PCNX1: variants seen among roughly 807,000 people sequenced by gnomAD.
PCNX1 encodes the protein pecanex-like protein 1.
Under a neutral mutation model 242.2 loss-of-function variants are expected in PCNX1, and 78 were observed. The ratio of observed to expected loss-of-function variants is 0.32; its 90% CI spans 0.27 to 0.39. The LOEUF (loss-of-function observed/expected upper bound fraction) is 0.39. PCNX1 is among the 10% of genes least tolerant of loss of function. PCNX1 has a pLI of 1.00. For synonymous variants in PCNX1, 1,024 were observed against 1,032.9 expected (o/e 0.99, Z 0.17); for missense variants, 2,581 against 2,856.5 (o/e 0.90, Z 2.20).
At chr14:70,919,709 T>TTCCCC (rs2056296253) in intron 1 of PCNX1, among the ~76,000 whole-genome samples, 3 of 8,088 alleles carry the variant, frequency 3.7e-4, no homozygotes, top group African/African-American at 1.4e-3. Context: ...GTTTCTCTGC[T>TTCCCC]CCCCCCCCCC....
chr14:70,914,395 A>G (rs1299895748), intron 1 of PCNX1, among the ~76,000 whole-genome samples: 1 of 152,144 alleles, frequency 6.6e-6, no homozygotes, highest in African/African-American at 2.4e-5. Flanking sequence ...AAGTGTATTA[A>G]TTTACAAAAA....
Position 71,036,160 on chromosome 14 carries a change from A to G in PCNX1, c.3867+3A>G. On this transcript the variant is annotated splice_donor_region_variant and intron_variant, in intron 19 of 35. Coordinates refer to ENST00000304743, the MANE Select transcript of PCNX1 (RefSeq NM_014982.3). The stretch of plus-strand genomic sequence containing the variant: ...GCACAGTCTTCACAGTATTGCAGGT[A>G]AGGAATCATTTTCTCCTTTTATTTG... 6.4e-7 allele frequency: 1 copy of G among 1,556,878 alleles called. No individual in the cohort carries two copies. Among genetic ancestry groups the G allele is most frequent in the Non-Finnish European group, 8.9e-7 (1 of 1,128,180 alleles).
intron 27 of PCNX1, among the ~76,000 whole-genome samples, chr14:71,074,309 T>C (rs2240533): frequency 0.34 from 51,867 of 151,994 alleles, 8,865 homozygotes; most frequent in Middle Eastern, 0.44. Flanking sequence ...AAGAGGTCCC[T>C]AAGACCACCC....
chr14:71,046,691 A>G (rs1202829413), intron 20 of PCNX1, among the ~76,000 whole-genome samples: 2 of 152,076 alleles, frequency 1.3e-5, no homozygotes, highest in East Asian at 3.8e-4. Context: ...TTTTTTCAAT[A>G]AGTTATAAGC....
intron 2 of PCNX1, among the ~76,000 whole-genome samples, chr14:70,948,693 G>A (rs567554211): frequency 7.0e-6 from 1 of 143,804 alleles, no homozygotes; most frequent in East Asian, 2.0e-4. Context: ...ATATATACAC[G>A]TGTATATATA....
At chr14:70,908,043 G>T (rs755414003) in intron 1 of PCNX1, 40 bp downstream of exon 1, 1 of 1,520,884 alleles carries the variant, frequency 6.6e-7, no homozygotes, top group Non-Finnish European at 8.8e-7. Flanking sequence ...CCTTCCCCGC[G>T]AGCCGGTGGG....
Position 71,047,033 on chromosome 14 carries a change from A to G in PCNX1, c.4088A>G (p.Tyr1363Cys), listed in dbSNP as rs768807189. 3.1e-6 allele frequency: 5 copies of G among 1,609,928 alleles called. No individual in the cohort carries two copies. Among genetic ancestry groups the G allele is most frequent in the Non-Finnish European group, 3.4e-6 (4 of 1,176,776 alleles). The change falls in exon 21 of 36, where the codon TAT becomes TGT. Residue 1363 changes from tyrosine (Y) to cysteine (C), a missense_variant. Around this residue, in one of 9 missense-constraint regions of PCNX1, gnomAD observed 432 missense variants for 443.1 expected, o/e 0.97. Transcript: ENST00000304743. ...WLLFVEKNII[Y>C]PLIVLNELSS... Reference sequence around the variant, plus strand: ...CTTTTTGTGGAGAAGAATATAATCTATCCATTGATTGTTCTCAATGAACTG... The same window carrying G: ...CTTTTTGTGGAGAAGAATATAATCTGTCCATTGATTGTTCTCAATGAACTG...
rs755234237 is a variant in PCNX1, at chr14:71,036,293, G to A, written c.3867+136G>A. ...CCCTGGGCTCAAGTGATCCTCCCAC[G>A]TAGCTAGGACTACAGTTGTGCACCA... On this transcript the variant is annotated intron_variant, in intron 19 of 35. Coordinates refer to ENST00000304743, the MANE Select transcript of PCNX1 (RefSeq NM_014982.3). The A allele has an allele frequency of 1.0e-4, 63 of 619,476 alleles. 1 individual carries two copies. The Middle Eastern group carries it at 9.3e-3, about 92-fold the overall frequency. The allele number at this position is 619,476 out of a possible 1,614,324, so 38.4% of individuals were successfully genotyped here.
rs1366566450 is a variant in PCNX1 at position 70,971,419 on chromosome 14, C to T, written c.604+2309C>T. On this transcript the variant is annotated intron_variant, in intron 5 of 35. Coordinates refer to ENST00000304743, the MANE Select transcript of PCNX1 (RefSeq NM_014982.3). ...TCGGCCTCCCAAAGTGCTGGGATTACAGGCGTGAGCCACCGCGCCCGGCCT... is the reference window on the plus strand; with the variant it reads ...TCGGCCTCCCAAAGTGCTGGGATTATAGGCGTGAGCCACCGCGCCCGGCCT... 1.5e-4 allele frequency among the ~76,000 whole-genome samples: 2 copies of T among 13,400 alleles called. 1 individual carries two copies. The highest frequency in any genetic ancestry group is 1.0e-3 in the Admixed American group (2 of 2,008). 8.8% of individuals were successfully genotyped at this position (13,400 alleles called of 152,430 possible).
chr14:70,932,401 T>G (rs1289315144), intron 1 of PCNX1, among the ~76,000 whole-genome samples: 1 of 152,054 alleles, frequency 6.6e-6, no homozygotes, highest in Non-Finnish European at 1.5e-5. Flanking sequence ...GATTGTTTTA[T>G]TTTTACTTTC....
At chr14:71,023,340 C>G (rs1305309569) in intron 13 of PCNX1, 108 bp downstream of exon 13, 1 of 760,748 alleles carries the variant, frequency 1.3e-6, no homozygotes, top group Non-Finnish European at 2.3e-6. Context: ...TCAGCCTGAA[C>G]TAAAATTTAT....
chr14:70,932,773 C>T (rs752294714), intron 1 of PCNX1, among the ~76,000 whole-genome samples: 3 of 151,820 alleles, frequency 2.0e-5, no homozygotes, highest in Admixed American at 6.6e-5. Context: ...CCACCATGCC[C>T]GGCTAATTTT....
intron 11 of PCNX1, among the ~76,000 whole-genome samples, chr14:71,015,611 C>T (rs1328873260): frequency 6.6e-6 from 1 of 152,104 alleles, no homozygotes; most frequent in East Asian, 1.9e-4. Flanking sequence ...GCCTTGGCAA[C>T]CTAGTGAGAC....
intron 26 of PCNX1, among the ~76,000 whole-genome samples, chr14:71,058,797 G>A (rs1307647800): frequency 6.6e-6 from 1 of 152,192 alleles, no homozygotes; most frequent in African/African-American, 2.4e-5. Context: ...ATGTTTACTT[G>A]TGATCTGTTT....
intron 7 of PCNX1, among the ~76,000 whole-genome samples, chr14:70,990,598 A>G (rs2059136740): frequency 6.6e-6 from 1 of 151,972 alleles, no homozygotes; most frequent in South Asian, 2.1e-4. Context: ...TTCATAGATC[A>G]TGTTCCTAAT....
At chr14:71,069,336 T>G (rs957357751) in intron 26 of PCNX1, among the ~76,000 whole-genome samples, 2 of 152,188 alleles carry the variant, frequency 1.3e-5, no homozygotes, top group African/African-American at 4.8e-5. Context: ...TTAAAGTCAA[T>G]TTAAATATTA....
intron 11 of PCNX1, among the ~76,000 whole-genome samples, chr14:71,018,066 T>C (rs1311986617): frequency 1.3e-5 from 2 of 152,142 alleles, no homozygotes; most frequent in African/African-American, 2.4e-5. Context: ...ATTAGTAATA[T>C]CATTTTTGGT....
chr14:71,098,357 A>C (rs1490701288), intron 30 of PCNX1, among the ~76,000 whole-genome samples: 4 of 152,136 alleles, frequency 2.6e-5, no homozygotes, highest in Non-Finnish European at 5.9e-5. Flanking sequence ...GAAGCTGTAG[A>C]TTGCCTTGGG....
In PCNX1 at chr14:70,938,242, A is replaced by G. The variant is rs374768594; in HGVS notation, c.154-8673A>G. 3.4e-4 allele frequency among the ~76,000 whole-genome samples: 51 copies of G among 152,166 alleles called. No individual in the cohort carries two copies. In the South Asian group the frequency reaches 0.011, roughly 32 times the overall value. On this transcript the variant is annotated intron_variant, in intron 1 of 35. Coordinates refer to ENST00000304743, the MANE Select transcript of PCNX1 (RefSeq NM_014982.3). ...AAGGGAGTGCTTCCAGTTTTTGCCC[A>G]TTCAGTATGATTATTGGCTGTGGGT...
Sources: allele counts gnomAD v4.1 joint callset (sites outside exome capture counted in the v4.1 genomes callset), GRCh38; gene constraint gnomAD v4.1.1; regional missense constraint gnomAD v4.1.1; transcripts MANE v1.5; gene names NCBI Gene and HGNC (gene_info 2026-07-23, HGNC 2026-07-21).